BMP7: variants seen among roughly 807,000 people sequenced by gnomAD.
BMP7 encodes the protein bone morphogenetic protein 7.
Under a neutral mutation model 41.2 loss-of-function variants are expected in BMP7, and 12 were observed. The observed-to-expected ratio is 0.29, with a 90% CI of 0.19 to 0.47. The LOEUF (loss-of-function observed/expected upper bound fraction) is 0.47. Ranked by LOEUF, BMP7 falls within the 20% of genes least tolerant of loss-of-function variation. The pLI is 0.99. For synonymous variants in BMP7, 248 were observed against 250.0 expected, an observed-to-expected ratio of 0.99 and a Z score of 0.07; for missense variants, 467 against 606.0, an observed-to-expected ratio of 0.77 and a Z score of 2.41.
chr20:57,245,019 GC>G (rs1345722801), intron 1 of BMP7, among the ~76,000 whole-genome samples: 24 of 152,184 alleles, frequency 1.6e-4, no homozygotes, highest in African/African-American at 5.5e-4. Context: ...TTTCCTCCAT[GC>G]CCAGCCCCTG....
In BMP7 at chr20:57,213,743, G is replaced by A. The variant is rs935985530; in HGVS notation, c.612-11120C>T. Among the ~76,000 whole-genome samples, 4 of 152,220 alleles carry A rather than the reference G, an allele frequency of 2.6e-5. No homozygotes were observed. The highest frequency in any genetic ancestry group is 9.6e-5 in the African/African-American group (4 of 41,456). ...CCTCGGGTCCCACAGTGGGTGCTCA[G>A]GGATGTAGGCTGTAGGGCTCCAGGC... is the stretch of plus-strand genomic sequence containing the variant. On this transcript the variant is annotated intron_variant, in intron 2 of 6. Transcript: ENST00000395863. The surrounding 1 kb of genome is among the most constrained non-coding windows in gnomAD (Gnocchi z 4.4).
rs752779943 is a variant in BMP7, at chr20:57,202,480, A to C, written c.755T>G (p.Leu252Arg). 6.2e-7 allele frequency: 1 copy of C among 1,602,668 alleles called. No homozygotes were observed. ...GCAGTGGCCGGGGGACTCACCATCC[A>C]GCGTCTCCACCGAGAGCTGCAGGCC... ...NLGLQLSVET[L>R]DGQSINPKLA... Residue 252 changes from leucine (L) to arginine (R), a missense_variant, in exon 3 of 7, where the codon CTG (leucine) becomes CGG (arginine). Coordinates refer to ENST00000395863, the MANE Select transcript of BMP7 (RefSeq NM_001719.3).
At chr20:57,194,899 C>T (rs1030323961) in intron 3 of BMP7, among the ~76,000 whole-genome samples, 1 of 152,176 alleles carries the variant, frequency 6.6e-6, no homozygotes, top group Non-Finnish European at 1.5e-5. Flanking sequence ...TGAGTCCAGG[C>T]GATGGCAGGG....
intron 6 of BMP7, among the ~76,000 whole-genome samples, chr20:57,172,564 A>G (rs1983836427): frequency 6.6e-6 from 1 of 152,228 alleles, no homozygotes; most frequent in Non-Finnish European, 1.5e-5. Context: ...GATGTTCATG[A>G]CAGGGAGCTA....
chr20:57,188,321 G>A (rs1417478566), intron 3 of BMP7, among the ~76,000 whole-genome samples: 4 of 152,126 alleles, frequency 2.6e-5, no homozygotes, highest in Admixed American at 6.6e-5. Context: ...CCTTCAACTC[G>A]TTACACGAAA....
At chr20:57,211,534 G>A (rs1330989421) in intron 2 of BMP7, among the ~76,000 whole-genome samples, 1 of 152,224 alleles carries the variant, frequency 6.6e-6, no homozygotes, top group Non-Finnish European at 1.5e-5. Flanking sequence ...CCCAGGCCCT[G>A]ATCCCAGAAG....
In BMP7 at chr20:57,228,267, C is replaced by A. The variant is rs139592459; in HGVS notation, c.573G>T (p.Arg191=). The change falls in exon 2 of 7, where the codon CGG becomes CGT. Residue 191 remains arginine (R), a synonymous_variant. Transcript: ENST00000395863. The surrounding 1 kb of genome is among the most constrained non-coding windows in gnomAD (Gnocchi z 4.5). The stretch of plus-strand genomic sequence containing the variant: ...CCTGGAGCACCTGATAAACGCTGAT[C>A]CGGAACGTCTCATTGTCGAAGCGTT... ...IRERFDNETF[R]ISVYQVLQEH... 402 of 1,614,038 alleles carry A rather than the reference C, an allele frequency of 2.5e-4. 1 individual carries two copies. The African/African-American group carries it at 4.8e-3, about 19-fold the overall frequency.
chr20:57,255,412 T>C (rs956906921), intron 1 of BMP7, among the ~76,000 whole-genome samples: 5 of 152,222 alleles, frequency 3.3e-5, no homozygotes, highest in Non-Finnish European at 5.9e-5. Context: ...CTCTGAGGTC[T>C]ACAATCCATT....
At chr20:57,233,925 C>T (rs1392774637) in intron 1 of BMP7, among the ~76,000 whole-genome samples, 1 of 152,196 alleles carries the variant, frequency 6.6e-6, no homozygotes, top group Non-Finnish European at 1.5e-5. Flanking sequence ...GAACACAATA[C>T]ATTGTTACAA....
At chr20:57,173,941 G>A (rs1011238178) in intron 5 of BMP7, among the ~76,000 whole-genome samples, 4 of 152,162 alleles carry the variant, frequency 2.6e-5, no homozygotes, top group African/African-American at 9.7e-5. Context: ...TAGGGTCTGG[G>A]TGGCACAGAA....
intron 1 of BMP7, among the ~76,000 whole-genome samples, chr20:57,253,089 C>T (rs1347644289): frequency 6.6e-6 from 1 of 152,180 alleles, no homozygotes; most frequent in African/African-American, 2.4e-5. Flanking sequence ...GGTCCCCCAC[C>T]CCCTTCCATC....
At chr20:57,260,969 C>T (rs1189249701) in intron 1 of BMP7, among the ~76,000 whole-genome samples, 3 of 152,106 alleles carry the variant, frequency 2.0e-5, no homozygotes, top group East Asian at 3.8e-4. Context: ...AGGGTGGAGA[C>T]GGGGGAGACT....
In BMP7 at chr20:57,170,433, C is replaced by A; in HGVS notation, c.*526G>T. ...CTTGACACAGCTTCTGTTTACGCAT[C>A]AGGATAAACCGAGAAATGGGGATAA... is the stretch of plus-strand genomic sequence containing the variant. On this transcript the variant is annotated 3_prime_UTR_variant, in exon 7 of 7. Coordinates refer to ENST00000395863, the MANE Select transcript of BMP7 (RefSeq NM_001719.3). The A allele has an allele frequency of 4.6e-6, 1 of 219,638 alleles. No homozygotes were observed. The highest frequency in any genetic ancestry group is 7.4e-5 in the South Asian group (1 of 13,510). The allele number at this position is 219,638 out of a possible 1,614,324, so 13.6% of individuals were successfully genotyped here.
At chr20:57,248,673 C>T (rs371826368) in intron 1 of BMP7, among the ~76,000 whole-genome samples, 3 of 152,212 alleles carry the variant, frequency 2.0e-5, no homozygotes, top group Non-Finnish European at 2.9e-5. Context: ...CCCCTGCAAA[C>T]GTGAACTCAT....
At chr20:57,265,361 G>T (rs1301747613) in intron 1 of BMP7, among the ~76,000 whole-genome samples, 4 of 152,180 alleles carry the variant, frequency 2.6e-5, no homozygotes, top group African/African-American at 7.2e-5. Context: ...TCCAGGTAGC[G>T]CGAGCCGCGC....
At chr20:57,248,123 T>C (rs1018985337) in intron 1 of BMP7, among the ~76,000 whole-genome samples, 1 of 152,200 alleles carries the variant, frequency 6.6e-6, no homozygotes, top group African/African-American at 2.4e-5. Context: ...ATATTCACAG[T>C]GGAACACTAT....
intron 4 of BMP7, among the ~76,000 whole-genome samples, chr20:57,176,823 T>TCCACACCCA (rs2123059927): frequency 6.8e-6 from 1 of 147,466 alleles, no homozygotes; most frequent in Non-Finnish European, 1.5e-5. Context: ...GGCTCTTTCC[T>TCCACACCCA]CCACACCCAC....
chr20:57,175,233 C>T (rs529732230), intron 4 of BMP7, among the ~76,000 whole-genome samples: 1 of 152,346 alleles, frequency 6.6e-6, no homozygotes, highest in South Asian at 2.1e-4. Context: ...CCCCATTCCT[C>T]TCTCATGTAG....
intron 1 of BMP7, among the ~76,000 whole-genome samples, chr20:57,253,121 A>G (rs1448730333): frequency 1.3e-5 from 2 of 152,170 alleles, no homozygotes; most frequent in Non-Finnish European, 2.9e-5. Flanking sequence ...CCAGTATATT[A>G]AGATAATTAG....
Sources: gnomAD v4.1 joint callset for allele counts (sites outside exome capture counted in the v4.1 genomes callset) on GRCh38, gnomAD v4.1.1 for gene constraint, Gnocchi (gnomAD v3.1) non-coding constraint, MANE v1.5 for transcripts, NCBI Gene and HGNC (gene_info 2026-07-23, HGNC 2026-07-21) for gene names.